TLK2: variants seen among roughly 807,000 people sequenced by gnomAD.
The protein encoded by TLK2 is tousled like kinase 2.
In TLK2, 6 loss-of-function variants were observed where a neutral mutation model predicts 117.3. The observed-to-expected ratio is 0.05, with a 90% CI of 0.03 to 0.10. TLK2 has a LOEUF of 0.10. Ranked by LOEUF, TLK2 falls within the 10% of genes least tolerant of loss-of-function variation. The probability of loss-of-function intolerance (pLI) is 1.00; values close to 1 mark genes in which losing one functional copy is unlikely to be tolerated. For missense variants in TLK2, 299 were observed against 901.2 expected, an observed-to-expected ratio of 0.33 and a Z score of 8.56; for synonymous variants, 257 against 316.7, an observed-to-expected ratio of 0.81 and a Z score of 2.00.
chr17:62,575,213 C>CT (rs2080686541), intron 12 of TLK2, among the ~76,000 whole-genome samples: 1 of 152,222 alleles, frequency 6.6e-6, no homozygotes, highest in African/African-American at 2.4e-5. Context: ...ATCTGGAAGA[C>CT]TTTCAGTCCA....
intron 7 of TLK2, among the ~76,000 whole-genome samples, chr17:62,539,483 T>A (rs1176107946): frequency 6.6e-6 from 1 of 150,544 alleles, no homozygotes; most frequent in Non-Finnish European, 1.5e-5. Context: ...CTTTTTTTTT[T>A]TTTTTTTTTC....
At chr17:62,474,285 A>G (rs1364791880), upstream of TLK2, among the ~76,000 whole-genome samples, 4 of 151,442 alleles carry the variant, frequency 2.6e-5, no homozygotes, top group African/African-American at 9.7e-5. Flanking sequence ...TCACTGTGTT[A>G]GCCAGGATGC....
intron 17 of TLK2, among the ~76,000 whole-genome samples, chr17:62,599,562 ATTCTAGTTTCCCCTGATGACCCTGGG>A (rs2082728445): frequency 6.6e-6 from 1 of 152,028 alleles, no homozygotes; most frequent in South Asian, 2.1e-4. Context: ...CCTCCCCGCA[ATTCTAGTTTCCCCTGATGACCCTGGG>A]TTCTGGTTTC....
Position 62,570,518 on chromosome 17 carries a change from C to G in TLK2, c.969-2697C>G, listed in dbSNP as rs75726948. Among the ~76,000 whole-genome samples the G allele has an allele frequency of 3.5e-3, 527 of 152,234 alleles. 3 individuals are homozygous for G. Among genetic ancestry groups the G allele is most frequent in the African/African-American group, 0.012 (492 of 41,522 alleles). On this transcript the variant is annotated intron_variant, in intron 11 of 21. Transcript: ENST00000346027. ...GTGAGAAGTTACAGTTTGACATAAT[C>G]CAGCCTTTGTACTCCCAAAATAAAT...
In TLK2 at chr17:62,614,546, C is replaced by T. The variant is rs1202277317; in HGVS notation, c.*1981C>T. Reference sequence around the variant, plus strand: ...TAGGACCTTCGTTTGTTTTGTGGACCTGCCTCAGTCTCCTCAGTATCAGGC... The same window carrying T: ...TAGGACCTTCGTTTGTTTTGTGGACTTGCCTCAGTCTCCTCAGTATCAGGC... On this transcript the variant is annotated 3_prime_UTR_variant, in exon 22 of 22. Transcript: ENST00000346027. 1 of 152,122 alleles carries T rather than the reference C, an allele frequency of 6.6e-6. No homozygotes were observed. The highest frequency in any genetic ancestry group is 2.4e-5 in the African/African-American group (1 of 41,400). 9.4% of individuals were successfully genotyped at this position (152,122 alleles called of 1,614,324 possible).
intron 10 of TLK2, among the ~76,000 whole-genome samples, chr17:62,560,831 T>C (rs1022958418): frequency 6.6e-6 from 1 of 152,066 alleles, no homozygotes; most frequent in African/African-American, 2.4e-5. Flanking sequence ...TTTTTGTATT[T>C]TTTTTTTAAT....
At chr17:62,473,912 T>G (rs2070988546), upstream of TLK2, among the ~76,000 whole-genome samples, 1 of 152,230 alleles carries the variant, frequency 6.6e-6, no homozygotes, top group Non-Finnish European at 1.5e-5. Flanking sequence ...CTTTTCTTTT[T>G]TTTGAGACAG....
chr17:62,601,125 C>CTCCTACT lies in TLK2; in HGVS notation c.1720+306_1720+312dup, dbSNP rs772842832. Among the ~76,000 whole-genome samples, 304 of 152,276 alleles carry CTCCTACT rather than the reference C, an allele frequency of 2.0e-3. 3 individuals are homozygous for CTCCTACT. The highest frequency in any genetic ancestry group is 1.2e-3 in the Non-Finnish European group (79 of 68,028). ...GTTCAGTTTTGTTTTTTTCCCATGA[C>CTCCTACT]TCCTACTACATAACAGTCCCTCTGC... is the stretch of plus-strand genomic sequence containing the variant. On this transcript the variant is annotated intron_variant, in intron 18 of 21. Transcript: ENST00000346027.
chr17:62,495,547 T>C (rs1340561080), intron 2 of TLK2, among the ~76,000 whole-genome samples: 1 of 151,516 alleles, frequency 6.6e-6, no homozygotes, highest in East Asian at 1.9e-4. Context: ...CCCAAAGTGA[T>C]GGGATTACAT....
chr17:62,608,276 T>C, intron 21 of TLK2, 128 bp downstream of exon 21: 1 of 707,078 alleles, frequency 1.4e-6, no homozygotes, highest in Non-Finnish European at 2.4e-6. Context: ...AGGATAGGCA[T>C]GAATTAATGT....
intron 2 of TLK2, among the ~76,000 whole-genome samples, chr17:62,486,225 C>T (rs973931660): frequency 6.6e-6 from 1 of 152,040 alleles, no homozygotes; most frequent in Non-Finnish European, 1.5e-5. Context: ...GGCGCGATCT[C>T]GGCTCGCTGC....
chr17:62,576,829 G>A, intron 13 of TLK2, 54 bp downstream of exon 13: 3 of 1,444,120 alleles, frequency 2.1e-6, no homozygotes, highest in Non-Finnish European at 2.9e-6. Flanking sequence ...GTTTAAATTT[G>A]GGGTTGAAGC....
In TLK2 at chr17:62,580,126, A is replaced by C; in HGVS notation, c.1302A>C (p.Pro434=). Residue 434 remains proline, a synonymous_variant, in exon 15 of 22, where the codon CCA becomes CCC. Transcript: ENST00000346027. ...GTTTCCACAGATTTAAAGATCATCCAACGCTAAATGACAGATATTTGTTGT... is the reference window on the plus strand; with the variant it reads ...GTTTCCACAGATTTAAAGATCATCCCACGCTAAATGACAGATATTTGTTGT... The part of the protein sequence containing the change: ...NEDNSQFKDH[P]TLNDRYLLLH... 6.2e-7 allele frequency: 1 copy of C among 1,613,026 alleles called. No homozygotes were observed. Among genetic ancestry groups the C allele is most frequent in the Non-Finnish European group, 8.5e-7 (1 of 1,179,432 alleles).
chr17:62,612,431 C>T lies in TLK2; in HGVS notation c.2119C>T (p.Arg707Cys). 6.2e-7 allele frequency: 1 copy of T among 1,614,128 alleles called. No individual in the cohort carries two copies. Among genetic ancestry groups the T allele is most frequent in the Non-Finnish European group, 8.5e-7 (1 of 1,179,984 alleles). Reference protein sequence around the residue: ...RRCLAYRKEDRIDVQQLACDP... With the variant: ...RRCLAYRKEDCIDVQQLACDP... Reference sequence around the variant, plus strand: ...ATGCTTGGCCTACCGAAAGGAGGACCGCATTGATGTCCAGCAGCTGGCCTG... The same window carrying T: ...ATGCTTGGCCTACCGAAAGGAGGACTGCATTGATGTCCAGCAGCTGGCCTG... Residue 707 changes from arginine to cysteine, a missense_variant, in exon 22 of 22, where the codon CGC becomes TGC. Arg to Cys is a radical substitution (Grantham distance 180, BLOSUM62 -3). Around this residue, in one of 4 missense-constraint regions of TLK2, gnomAD observed 81 missense variants for 370.9 expected, o/e 0.22. Transcript: ENST00000346027.
chr17:62,607,346 C>T (rs1377026917), intron 20 of TLK2, among the ~76,000 whole-genome samples: 2 of 149,990 alleles, frequency 1.3e-5, no homozygotes. Flanking sequence ...GGTGAAACCC[C>T]GTCTGTACTA....
At chr17:62,500,347 T>A (rs1207311557) in intron 2 of TLK2, among the ~76,000 whole-genome samples, 1 of 152,142 alleles carries the variant, frequency 6.6e-6, no homozygotes, top group Non-Finnish European at 1.5e-5. Flanking sequence ...GTGATTTTTA[T>A]TAGACAAAGG....
chr17:62,576,512 G>A (rs780318213), intron 12 of TLK2, among the ~76,000 whole-genome samples, 197 bp from the exon 13 acceptor site: 1 of 151,890 alleles, frequency 6.6e-6, no homozygotes, highest in Non-Finnish European at 1.5e-5. Context: ...TTCTGGCTTT[G>A]AAGTTCTTCC....
At chr17:62,596,740 A>C (rs2082505398) in intron 17 of TLK2, 66 bp downstream of exon 17, 1 of 1,396,146 alleles carries the variant, frequency 7.2e-7, no homozygotes, top group Non-Finnish European at 1.0e-6. Context: ...TGTTCATGGA[A>C]TAGAGCTGAA....
intron 2 of TLK2, among the ~76,000 whole-genome samples, chr17:62,497,773 C>T (rs1237283838): frequency 6.6e-6 from 1 of 152,206 alleles, no homozygotes; most frequent in African/African-American, 2.4e-5. Context: ...AGGCTTACTG[C>T]AACCTCCACC....
Sources: gnomAD v4.1 joint callset for allele counts (sites outside exome capture counted in the v4.1 genomes callset) on GRCh38, gnomAD v4.1.1 for gene constraint, gnomAD v4.1.1 regional missense constraint, MANE v1.5 for transcripts, NCBI Gene and HGNC (gene_info 2026-07-23, HGNC 2026-07-21) for gene names.